The following NEBL variants were observed in gnomAD, a reference collection of about 807,000 sequenced individuals.
NEBL encodes the protein nebulette.
Under a neutral mutation model 140.2 loss-of-function variants are expected in NEBL, and 122 were observed. The ratio of observed to expected loss-of-function variants is 0.87; its 90% CI spans 0.75 to 1.01. The LOEUF is 1.01. Ranked by LOEUF, NEBL falls within the 50% of genes least tolerant of loss-of-function variation. The pLI, the probability that NEBL is intolerant of heterozygous loss-of-function variation, is 0.00. For missense variants in NEBL, 1,365 were observed against 1,231.3 expected, an observed-to-expected ratio of 1.11 and a Z score of -1.62; for synonymous variants, 436 against 398.9, an observed-to-expected ratio of 1.09 and a Z score of -1.11.
chr10:21,100,906 T>C (rs1005525002), intron 2 of NEBL, among the ~76,000 whole-genome samples: 2 of 152,258 alleles, frequency 1.3e-5, no homozygotes, highest in Admixed American at 1.3e-4. Context: ...TGGTCTCAGA[T>C]GGCTCTTGTA....
chr10:21,136,619 T>C (rs1368702896), intron 2 of NEBL, among the ~76,000 whole-genome samples: 1 of 152,194 alleles, frequency 6.6e-6, no homozygotes, highest in Non-Finnish European at 1.5e-5. Context: ...TGTATCCCTG[T>C]CCTATTTCAG....
intron 5 of NEBL, among the ~76,000 whole-genome samples, chr10:20,880,092 G>T (rs941954773): frequency 6.6e-6 from 1 of 152,194 alleles, no homozygotes; most frequent in Non-Finnish European, 1.5e-5. Context: ...GCCAGGCACG[G>T]TGGCTCGTGC....
rs149263265 is a variant in NEBL, at chr10:20,937,853, G to A, written c.357+23819C>T. On this transcript the variant is annotated intron_variant, in intron 4 of 6. Coordinates refer to the NEBL transcript ENST00000417816. ...AGCCTCGCTCATTGCTAGCACAGCAGTCTGAGATCAAACTGCAAGGCGGCA... is the reference window on the plus strand; with the variant it reads ...AGCCTCGCTCATTGCTAGCACAGCAATCTGAGATCAAACTGCAAGGCGGCA... 1.2e-3 allele frequency among the ~76,000 whole-genome samples: 176 copies of A among 152,254 alleles called. 3 individuals are homozygous for A. The East Asian group carries it at 0.026, about 22-fold the overall frequency.
chr10:20,880,327 T>C (rs1282388526), intron 5 of NEBL, among the ~76,000 whole-genome samples: 1 of 152,150 alleles, frequency 6.6e-6, no homozygotes, highest in Non-Finnish European at 1.5e-5. Context: ...GCCACTGCAC[T>C]CCAGCCTGGG....
intron 3 of NEBL, among the ~76,000 whole-genome samples, chr10:21,225,625 C>T (rs1393429491): frequency 6.6e-6 from 1 of 152,178 alleles, no homozygotes; most frequent in African/African-American, 2.4e-5. Flanking sequence ...CTCTTCTCTC[C>T]CTTTTCCACA....
intron 4 of NEBL, among the ~76,000 whole-genome samples, chr10:20,951,749 T>C (rs1006931014): frequency 6.6e-6 from 1 of 152,220 alleles, no homozygotes; most frequent in Non-Finnish European, 1.5e-5. Context: ...TCCAAAAATA[T>C]ATACATAAGA....
intron 2 of NEBL, among the ~76,000 whole-genome samples, chr10:21,121,908 C>T (rs532035770): frequency 1.8e-4 from 28 of 152,212 alleles, no homozygotes; most frequent in Middle Eastern, 3.4e-3. Flanking sequence ...GAAAGCAAAA[C>T]GCTATCAAAA....
intron 2 of NEBL, among the ~76,000 whole-genome samples, chr10:21,169,065 AAAATATATATATATATATAT>A (rs1204290780): frequency 5.6e-4 from 16 of 28,570 alleles, no homozygotes; most frequent in Middle Eastern, 0.029. Context: ...AAAAAAAAAA[AAAATATATATATATATATAT>A]ATATATATAT....
intron 4 of NEBL, among the ~76,000 whole-genome samples, chr10:20,882,167 AGAAAGAAAGAAGGAAAGACAGAAAGAAG>A (rs1209107293): frequency 1.3e-5 from 2 of 151,982 alleles, no homozygotes; most frequent in Non-Finnish European, 2.9e-5. Flanking sequence ...ATCCTGCAAA[AGAAAGAAAGAAGGAAAGACAGAAAGAAG>A]GAAAGAAAGA....
rs543190071 is a variant in NEBL, at chr10:21,246,127, T to C, written n.348+1794A>G. Among the ~76,000 whole-genome samples the C allele has an allele frequency of 3.9e-5, 6 of 152,360 alleles. No homozygotes were observed. The East Asian group carries it at 7.7e-4, about 20-fold the overall frequency. ...TTGATGCAGTTACTCTACAGACTTT[T>C]GATAAACTTGACCACAAACTCCTCT... On this transcript the variant is annotated intron_variant and non_coding_transcript_variant, in intron 3 of 8. Coordinates refer to the NEBL transcript ENST00000675702.
chr10:21,104,559 G>A (rs1246312214), intron 2 of NEBL, among the ~76,000 whole-genome samples: 1 of 151,596 alleles, frequency 6.6e-6, no homozygotes, highest in Non-Finnish European at 1.5e-5. Context: ...AAATGCAAAT[G>A]ATTTTTATAT....
chr10:20,805,947 T>C (rs1201962435), intron 26 of NEBL, among the ~76,000 whole-genome samples: 2 of 152,090 alleles, frequency 1.3e-5, no homozygotes, highest in African/African-American at 2.4e-5. Flanking sequence ...TTTGAAGAAG[T>C]ATGAAATTCC....
At chr10:20,822,911 A>G (rs1315681449) in intron 19 of NEBL, among the ~76,000 whole-genome samples, 2 of 152,156 alleles carry the variant, frequency 1.3e-5, no homozygotes, top group Non-Finnish European at 2.9e-5. Flanking sequence ...GTACCCAACA[A>G]TATTTCACCT....
intron 4 of NEBL, among the ~76,000 whole-genome samples, chr10:20,925,497 A>G (rs1489902203): frequency 6.6e-6 from 1 of 152,034 alleles, no homozygotes; most frequent in East Asian, 1.9e-4. Context: ...TTTTTCCCAA[A>G]GCGTCCACCC....
intron 3 of NEBL, among the ~76,000 whole-genome samples, chr10:21,232,544 G>A (rs532073778): frequency 6.1e-4 from 93 of 152,306 alleles, no homozygotes; most frequent in African/African-American, 2.1e-3. Flanking sequence ...GGGGATGCAG[G>A]GAGACAGTAA....
intron 2 of NEBL, among the ~76,000 whole-genome samples, chr10:21,032,536 C>G (rs1286094913): frequency 1.3e-5 from 2 of 152,186 alleles, no homozygotes; most frequent in Non-Finnish European, 2.9e-5. Context: ...CTATAAACAA[C>G]TCACATATAA....
At chr10:21,146,072 A>AC (rs200423872) in intron 2 of NEBL, among the ~76,000 whole-genome samples, 1,901 of 152,332 alleles carry the variant, frequency 0.012, 37 homozygotes, top group African/African-American at 0.041. Flanking sequence ...TGAGCCAGGC[A>AC]CCATGAATAG....
chr10:20,991,017 C>T (rs1044402327), intron 3 of NEBL, among the ~76,000 whole-genome samples: 2 of 152,204 alleles, frequency 1.3e-5, no homozygotes, highest in African/African-American at 4.8e-5. Context: ...AACAAATTAG[C>T]ATCCCTAACA....
intron 2 of NEBL, 78 bp downstream of exon 2, chr10:20,896,880 C>T: frequency 8.2e-7 from 1 of 1,216,664 alleles, no homozygotes. Flanking sequence ...GGGTTTCCCC[C>T]ACAGCTCTAT....
Sources: gnomAD v4.1 joint callset for allele counts (sites outside exome capture counted in the v4.1 genomes callset) on GRCh38, gnomAD v4.1.1 for gene constraint, MANE v1.5 for transcripts, NCBI Gene and HGNC (gene_info 2026-07-23, HGNC 2026-07-21) for gene names.